The following SIPA1L2 variants were observed in gnomAD, a reference collection of about 807,000 sequenced individuals.
The protein encoded by SIPA1L2 is signal-induced proliferation-associated 1-like protein 2.
A neutral mutation model predicts 163.9 loss-of-function variants in SIPA1L2; 56 were observed. The observed-to-expected ratio is 0.34, with a 90% CI of 0.28 to 0.43. The LOEUF is 0.43. Among genes scored for constraint, SIPA1L2 ranks in the 20% least tolerant of loss-of-function variants. The pLI, the probability that SIPA1L2 is intolerant of heterozygous loss-of-function variation, is 1.00. For synonymous variants in SIPA1L2, 877 were observed against 865.7 expected (o/e 1.01, Z -0.23); for missense variants, 1,974 against 2,193.5 (o/e 0.90, Z 2.00).
rs978636741 is a variant in SIPA1L2, at chr1:232,515,424, G to C, written c.-85C>G. ...TGCTACCGACCACGCCATAATACTT[G>C]CAGATATAAAGGCTTTGTCTGTAGT... On this transcript the variant is annotated 5_prime_UTR_variant, in exon 3 of 23. Transcript: ENST00000674635. 1 of 1,376,046 alleles carries C rather than the reference G, an allele frequency of 7.3e-7. No homozygotes were observed. The highest frequency in any genetic ancestry group is 9.7e-7 in the Non-Finnish European group (1 of 1,027,700). The allele number at this position is 1,376,046 out of a possible 1,614,324, so 85.2% of individuals were successfully genotyped here.
intron 3 of SIPA1L2, among the ~76,000 whole-genome samples, chr1:232,496,657 C>T (rs1666211901): frequency 6.6e-6 from 1 of 151,870 alleles, no homozygotes; most frequent in Non-Finnish European, 1.5e-5. Flanking sequence ...ATTAAGCTGG[C>T]ATTAGTGATT....
intron 6 of SIPA1L2, among the ~76,000 whole-genome samples, chr1:232,481,503 A>G (rs1481767931): frequency 6.6e-6 from 1 of 152,200 alleles, no homozygotes; most frequent in African/African-American, 2.4e-5. Flanking sequence ...TGTGATAATA[A>G]TATGTCTTTC....
intron 1 of SIPA1L2, among the ~76,000 whole-genome samples, chr1:232,610,139 G>C (rs1298006882): frequency 1.3e-5 from 2 of 152,064 alleles, no homozygotes; most frequent in African/African-American, 4.8e-5. Flanking sequence ...GTTTACGTCT[G>C]TTAAATCTAA....
chr1:232,576,080 G>T (rs1477727548), intron 1 of SIPA1L2, among the ~76,000 whole-genome samples: 1 of 152,154 alleles, frequency 6.6e-6, no homozygotes, highest in East Asian at 1.9e-4. Flanking sequence ...TCTGAAAATG[G>T]ATGATGGTGA....
chr1:232,462,368 C>T lies in SIPA1L2; in HGVS notation c.2821-1207G>A, dbSNP rs558382073. 24 of 1,511,032 alleles carry T rather than the reference C, an allele frequency of 1.6e-5. No individual in the cohort carries two copies. The Admixed American group carries it at 3.1e-4, about 20-fold the overall frequency. The allele number at this position is 1,511,032 out of a possible 1,614,324, so 93.6% of individuals were successfully genotyped here. A position where few individuals can be genotyped will look rare whatever the true frequency, so the allele number is the denominator to read the frequency against. On this transcript the variant is annotated intron_variant, in intron 9 of 22. Coordinates refer to ENST00000674635, the MANE Select transcript of SIPA1L2 (RefSeq NM_020808.5). ...TAATGAACACTCCATTTCTATGAAACATGCTCTGACTACATAGATACCTAT... is the reference window on the plus strand; with the variant it reads ...TAATGAACACTCCATTTCTATGAAATATGCTCTGACTACATAGATACCTAT...
At chr1:232,403,337 G>A in intron 21 of SIPA1L2, 111 bp downstream of exon 21, 2 of 1,355,828 alleles carry the variant, frequency 1.5e-6, no homozygotes, top group Non-Finnish European at 2.0e-6. Context: ...GACTGGGAAA[G>A]GGCATGGTGC....
At chr1:232,414,251 C>T (rs938228529) in intron 19 of SIPA1L2, among the ~76,000 whole-genome samples, 1 of 152,224 alleles carries the variant, frequency 6.6e-6, no homozygotes, top group African/African-American at 2.4e-5. Context: ...CTTTCACCTA[C>T]TTCCCCTGTG....
intron 8 of SIPA1L2, among the ~76,000 whole-genome samples, chr1:232,467,458 A>G (rs1049887738): frequency 6.6e-6 from 1 of 152,122 alleles, no homozygotes. Flanking sequence ...TAGACTGGGA[A>G]TTAATTTATC....
chr1:232,487,818 A>G (rs1665721082), intron 5 of SIPA1L2, among the ~76,000 whole-genome samples: 1 of 152,116 alleles, frequency 6.6e-6, no homozygotes, highest in Admixed American at 6.5e-5. Context: ...TACTTCTGAA[A>G]AGTGTCTTGT....
chr1:232,479,557 C>A, intron 7 of SIPA1L2, 70 bp downstream of exon 7: 1 of 1,197,780 alleles, frequency 8.3e-7, no homozygotes, highest in Non-Finnish European at 1.2e-6. Flanking sequence ...CTACATGCAT[C>A]AATATCATCA....
At chr1:232,443,482 C>G (rs1181886670) in intron 12 of SIPA1L2, 120 bp downstream of exon 12, 2 of 653,824 alleles carry the variant, frequency 3.1e-6, no homozygotes, top group Non-Finnish European at 4.7e-6. Flanking sequence ...AAAAGCATGT[C>G]TGGCATTATT....
At chr1:232,521,445 T>A (rs576329388) in intron 2 of SIPA1L2, among the ~76,000 whole-genome samples, 1 of 152,256 alleles carries the variant, frequency 6.6e-6, no homozygotes, top group African/African-American at 2.4e-5. Context: ...TTATACTGAT[T>A]TGTACTTCAT....
At chr1:232,576,685 G>A (rs1573111872) in intron 1 of SIPA1L2, among the ~76,000 whole-genome samples, 2 of 152,298 alleles carry the variant, frequency 1.3e-5, no homozygotes, top group African/African-American at 2.4e-5. Context: ...AGCCTCTTGC[G>A]CCAAACAGCC....
rs754703387 is a variant in SIPA1L2, at chr1:232,514,499, T to A, written c.841A>T (p.Arg281Trp). ...GTTTCCACCGACTCTGATTTCAACC[T>A]CCGTTTGAAAGGCTTGTCCCTGTCT... ...GRDRDKPFKR[R>W]LKSESVETSL... Residue 281 changes from arginine to tryptophan, a missense_variant, in exon 3 of 23, where the codon AGG becomes TGG. Coordinates refer to ENST00000674635, the MANE Select transcript of SIPA1L2 (RefSeq NM_020808.5). 11 of 1,614,036 alleles carry A rather than the reference T, an allele frequency of 6.8e-6. No individual in the cohort carries two copies. The highest frequency in any genetic ancestry group is 9.3e-6 in the Non-Finnish European group (11 of 1,180,042).
At chr1:232,600,169 G>A (rs186494883) in intron 1 of SIPA1L2, among the ~76,000 whole-genome samples, 103 of 152,272 alleles carry the variant, frequency 6.8e-4, no homozygotes, top group African/African-American at 2.4e-3. Flanking sequence ...GTTCTGGAAG[G>A]AGCTATAAAC....
chr1:232,440,866 T>C (rs6687568), intron 14 of SIPA1L2, among the ~76,000 whole-genome samples: 1 of 152,046 alleles, frequency 6.6e-6, no homozygotes, highest in Admixed American at 6.5e-5. Context: ...TACCCTGACA[T>C]GTGTAATGGG....
intron 3 of SIPA1L2, among the ~76,000 whole-genome samples, chr1:232,505,761 C>T (rs1478918896): frequency 6.6e-6 from 1 of 152,136 alleles, no homozygotes; most frequent in African/African-American, 2.4e-5. Flanking sequence ...TTGACGGGAC[C>T]TCCGTTTGGG....
At position 232,529,299 on chromosome 1, in the gene SIPA1L2, A is replaced by T. The variant is rs572141336; in HGVS notation, c.-269-13691T>A. ...GCAAATCTAACACACTCAAAGCCATAATCTATGACTCTTTTCCCCTCTAAC... is the reference window on the plus strand; with the variant it reads ...GCAAATCTAACACACTCAAAGCCATTATCTATGACTCTTTTCCCCTCTAAC... On this transcript the variant is annotated intron_variant, in intron 2 of 22. Coordinates refer to ENST00000674635, the MANE Select transcript of SIPA1L2 (RefSeq NM_020808.5). Among the ~76,000 whole-genome samples the T allele has an allele frequency of 2.9e-4, 44 of 152,262 alleles. No homozygotes were observed. The South Asian group carries it at 9.1e-3, about 32-fold the overall frequency.
intron 1 of SIPA1L2, among the ~76,000 whole-genome samples, chr1:232,626,825 A>T (rs1191849589): frequency 6.6e-6 from 1 of 152,196 alleles, no homozygotes; most frequent in African/African-American, 2.4e-5. Flanking sequence ...ACCTTAAAGA[A>T]ACCCCAAATT....
Sources: gnomAD v4.1 joint callset for allele counts (sites outside exome capture counted in the v4.1 genomes callset) on GRCh38, gnomAD v4.1.1 for gene constraint, MANE v1.5 for transcripts, NCBI Gene and HGNC (gene_info 2026-07-23, HGNC 2026-07-21) for gene names.